The following CREBBP variants were observed in gnomAD, a reference collection of about 807,000 sequenced individuals.
CREBBP encodes CREB binding lysine acetyltransferase, also known as CREB-binding protein.
In CREBBP, 19 loss-of-function variants were observed where a neutral mutation model predicts 265.0. That is an observed-to-expected ratio of 0.07 (90% CI 0.05 to 0.11). The LOEUF is 0.11. Ranked by LOEUF, CREBBP falls within the 10% of genes least tolerant of loss-of-function variation. The pLI is 1.00. For missense variants in CREBBP, 2,525 were observed against 3,219.0 expected, an observed-to-expected ratio of 0.78 and a Z score of 5.22; for synonymous variants, 1,457 against 1,223.7, an observed-to-expected ratio of 1.19 and a Z score of -3.98.
At chr16:3,761,622 T>A (rs1259538943) in intron 16 of CREBBP, 1 of 515,208 alleles carries the variant, frequency 1.9e-6, no homozygotes, top group Non-Finnish European at 3.9e-6. Context: ...ACGTGGCTGC[T>A]TCAGACCTCT....
Position 3,879,958 on chromosome 16 carries a change from G to C in CREBBP, c.-42C>G. On this transcript the variant is annotated 5_prime_UTR_variant, in exon 1 of 31. Transcript: ENST00000262367. ...AAACAGCCCCGGGCACGGGCGGCCG[G>C]GCCGGCGAGGGCCCGGACGGGGGTC... 6.4e-7 allele frequency: 1 copy of C among 1,574,176 alleles called. No individual in the cohort carries two copies. The highest frequency in any genetic ancestry group is 8.6e-7 in the Non-Finnish European group (1 of 1,156,482).
intron 2 of CREBBP, among the ~76,000 whole-genome samples, chr16:3,827,704 T>C (rs2054265278): frequency 6.6e-6 from 1 of 151,982 alleles, no homozygotes. Context: ...TACTTTTTAT[T>C]TTTTTAGAGA....
chr16:3,872,058 T>C (rs548163386), intron 1 of CREBBP, among the ~76,000 whole-genome samples: 2 of 152,264 alleles, frequency 1.3e-5, no homozygotes, highest in South Asian at 2.1e-4. Flanking sequence ...CCGGGGAAAA[T>C]GTCACACGGG....
intron 1 of CREBBP, among the ~76,000 whole-genome samples, chr16:3,872,944 G>A (rs971743595): frequency 2.0e-5 from 3 of 152,372 alleles, no homozygotes; most frequent in Admixed American, 2.0e-4. Flanking sequence ...TCTGCACACG[G>A]GGACACTCAG....
rs761487915 is a variant in CREBBP, at chr16:3,782,856, G to C, written c.1401C>G (p.Ala467=). ...IGSVGTGQQN[A]TSLSNPNPID... is the part of the protein sequence containing the mutation. ...TGGGATTTGGGTTACTTAAAGAAGTGGCATTCTGTTGCCCTGTGCCAACAG... is the reference window on the plus strand; with the variant it reads ...TGGGATTTGGGTTACTTAAAGAAGTCGCATTCTGTTGCCCTGTGCCAACAG... Residue 467 remains alanine (A), a synonymous_variant, in exon 6 of 31, where the codon GCC becomes GCG. Coordinates refer to ENST00000262367, the MANE Select transcript of CREBBP (RefSeq NM_004380.3). 1.9e-6 allele frequency: 3 copies of C among 1,614,148 alleles called. No homozygotes were observed. The highest frequency in any genetic ancestry group is 3.3e-5 in the Admixed American group (2 of 60,020).
At chr16:3,877,205 G>C (rs1425397602) in intron 1 of CREBBP, among the ~76,000 whole-genome samples, 1 of 152,160 alleles carries the variant, frequency 6.6e-6, no homozygotes, top group African/African-American at 2.4e-5. Flanking sequence ...GAGCCTCAGA[G>C]ACACATCCCG....
At chr16:3,753,816 AAC>A (rs1396094464) in intron 19 of CREBBP, among the ~76,000 whole-genome samples, 2 of 152,212 alleles carry the variant, frequency 1.3e-5, no homozygotes, top group African/African-American at 2.4e-5. Flanking sequence ...GATACAATCA[AAC>A]ACGCAGAACT....
intron 28 of CREBBP, among the ~76,000 whole-genome samples, chr16:3,732,509 G>C (rs1271162928): frequency 2.0e-5 from 3 of 152,194 alleles, no homozygotes; most frequent in Admixed American, 1.3e-4. Flanking sequence ...CAGCCCACAG[G>C]CTCCTCCTCT....
At position 3,769,166 on chromosome 16, in the gene CREBBP, G is replaced by T. The variant is rs750432839; in HGVS notation, c.3060+8C>A. 1.2e-6 allele frequency: 2 copies of T among 1,613,886 alleles called. No homozygotes were observed. The highest frequency in any genetic ancestry group is 8.5e-7 in the Non-Finnish European group (1 of 1,180,040). ...GCAGTCAATGCATTCCTAGGGAGCG[G>T]CACCCACCTCAGACCTGGGCTCCCC... On this transcript the variant is annotated splice_region_variant and intron_variant, in intron 15 of 30. Transcript: ENST00000262367.
At chr16:3,777,508 A>T in intron 11 of CREBBP, 105 bp downstream of exon 11, 1 of 1,210,092 alleles carries the variant, frequency 8.3e-7, no homozygotes, top group South Asian at 1.2e-5. Context: ...GAATGGAAAG[A>T]AGAAAGGGTT....
chr16:3,797,401 A>G (rs748708780), intron 3 of CREBBP, among the ~76,000 whole-genome samples: 2 of 152,192 alleles, frequency 1.3e-5, no homozygotes, highest in Admixed American at 6.5e-5. Flanking sequence ...TTATCCTCAG[A>G]GTTCAGGTTC....
chr16:3,814,197 T>TG (rs2053992115), intron 2 of CREBBP, among the ~76,000 whole-genome samples: 2 of 110,094 alleles, frequency 1.8e-5, no homozygotes, highest in East Asian at 3.2e-4. Context: ...GTGTGTGTGT[T>TG]TGAGACAGAG....
chr16:3,765,265 C>T (rs1220757227), intron 16 of CREBBP, among the ~76,000 whole-genome samples: 5 of 152,184 alleles, frequency 3.3e-5, no homozygotes, highest in South Asian at 2.1e-4. Flanking sequence ...TGTGAGGCAC[C>T]GCGTCTGGCC....
rs1047435978 is a variant in CREBBP at position 3,852,166 on chromosome 16, T to G, written c.86-1157A>C. Among the ~76,000 whole-genome samples the G allele has an allele frequency of 7.4e-4, 81 of 109,924 alleles. 2 individuals are homozygous for G. The East Asian group carries it at 0.015, about 21-fold the overall frequency. The allele number at this position is 109,924 out of a possible 152,430, so 72.1% of individuals were successfully genotyped here. On this transcript the variant is annotated intron_variant, in intron 1 of 30. Transcript: ENST00000262367. Reference sequence around the variant, plus strand: ...AGCCAATCTTAAATTTGTTTTTTTTTTTTTTTTTTTTTTTTTGAGACAGAG... The same window carrying G: ...AGCCAATCTTAAATTTGTTTTTTTTGTTTTTTTTTTTTTTTTGAGACAGAG...
chr16:3,747,144 T>G (rs1284341902), intron 21 of CREBBP, among the ~76,000 whole-genome samples: 2 of 152,122 alleles, frequency 1.3e-5, no homozygotes, highest in African/African-American at 4.8e-5. Flanking sequence ...GTTTCTTGCC[T>G]TCTCCTGCTT....
At chr16:3,797,304 A>G (rs1452144064) in intron 3 of CREBBP, among the ~76,000 whole-genome samples, 1 of 152,246 alleles carries the variant, frequency 6.6e-6, no homozygotes, top group African/African-American at 2.4e-5. Flanking sequence ...ATTGCCAGAT[A>G]CTGAAACATA....
At chr16:3,844,351 T>A (rs1004553855) in intron 2 of CREBBP, among the ~76,000 whole-genome samples, 1 of 152,084 alleles carries the variant, frequency 6.6e-6, no homozygotes, top group Non-Finnish European at 1.5e-5. Context: ...GATGGTTCAA[T>A]TTGATATTAT....
At chr16:3,846,000 A>C (rs2054660702) in intron 2 of CREBBP, among the ~76,000 whole-genome samples, 1 of 152,174 alleles carries the variant, frequency 6.6e-6, no homozygotes, top group African/African-American at 2.4e-5. Flanking sequence ...CCTAAAAGCC[A>C]TAAAGGAAAT....
At chr16:3,874,531 C>G (rs887018912) in intron 1 of CREBBP, among the ~76,000 whole-genome samples, 4 of 152,226 alleles carry the variant, frequency 2.6e-5, no homozygotes, top group African/African-American at 9.7e-5. Flanking sequence ...TACTTTCTTG[C>G]TGAAATGGCA....
Sources: gnomAD v4.1 joint callset for allele counts (sites outside exome capture counted in the v4.1 genomes callset) on GRCh38, gnomAD v4.1.1 for gene constraint, MANE v1.5 for transcripts, NCBI Gene and HGNC (gene_info 2026-07-23, HGNC 2026-07-21) for gene names.